The following CHST11 variants were observed in gnomAD, a reference collection of about 807,000 sequenced individuals.
The protein encoded by CHST11 is carbohydrate sulfotransferase 11, also known as C4S-1.
Under a neutral mutation model 30.4 loss-of-function variants are expected in CHST11, and 9 were observed. The observed-to-expected ratio is 0.30, with a 90% CI of 0.18 to 0.52. The LOEUF (loss-of-function observed/expected upper bound fraction) is 0.52. Ranked by LOEUF, CHST11 falls within the 20% of genes least tolerant of loss-of-function variation. CHST11 has a pLI of 0.97. For synonymous variants in CHST11, 152 were observed against 187.8 expected, an observed-to-expected ratio of 0.81 and a Z score of 1.56; for missense variants, 348 against 460.6, an observed-to-expected ratio of 0.76 and a Z score of 2.24.
chr12:104,697,703 A>G lies in CHST11; in HGVS notation c.205-59246A>G, dbSNP rs544907523. ...AAGTGGCCTCTCCATTGAAAAAAAT[A>G]AGAAAATTTAAAACAAGGAGCTTGC... On this transcript the variant is annotated intron_variant, in intron 2 of 2. Coordinates refer to ENST00000303694, the MANE Select transcript of CHST11 (RefSeq NM_018413.6). Among the ~76,000 whole-genome samples the G allele has an allele frequency of 2.6e-5, 4 of 152,324 alleles. No individual in the cohort carries two copies. In the South Asian group the frequency reaches 6.2e-4, roughly 24 times the overall value.
chr12:104,720,261 C>A lies in CHST11; in HGVS notation c.205-36688C>A, dbSNP rs563499006. ...TTTTACCTGCAGAGTCTAATTTTAT[C>A]CTCAATCTTATGCAGTGGGTACCAG... On this transcript the variant is annotated intron_variant, in intron 2 of 2. Coordinates refer to ENST00000303694, the MANE Select transcript of CHST11 (RefSeq NM_018413.6). 3.3e-5 allele frequency among the ~76,000 whole-genome samples: 5 copies of A among 152,356 alleles called. No homozygotes were observed. In the South Asian group the frequency reaches 1.0e-3, roughly 32 times the overall value.
chr12:104,704,781 C>T (rs1024528842), intron 2 of CHST11, among the ~76,000 whole-genome samples: 2 of 152,072 alleles, frequency 1.3e-5, no homozygotes, highest in African/African-American at 2.4e-5. Flanking sequence ...AGATGCCTGG[C>T]TCATTTGTTC....
chr12:104,543,832 T>C (rs2038308265), intron 1 of CHST11, among the ~76,000 whole-genome samples: 1 of 152,114 alleles, frequency 6.6e-6, no homozygotes, highest in African/African-American at 2.4e-5. Context: ...GGGGCACTGC[T>C]AAAGATGTAT....
chr12:104,724,258 C>T (rs1428605677), intron 2 of CHST11, among the ~76,000 whole-genome samples: 1 of 151,414 alleles, frequency 6.6e-6, no homozygotes, highest in South Asian at 2.1e-4. Flanking sequence ...TGACGGCACC[C>T]GGAGTAGTCA....
intron 2 of CHST11, among the ~76,000 whole-genome samples, chr12:104,750,275 A>T (rs1403385821): frequency 6.6e-6 from 1 of 151,458 alleles, no homozygotes; most frequent in East Asian, 1.9e-4. Flanking sequence ...TCTACTCCAA[A>T]CACCCTGACC....
intron 2 of CHST11, among the ~76,000 whole-genome samples, chr12:104,673,996 C>T (rs1402065262): frequency 6.6e-6 from 1 of 152,230 alleles, no homozygotes; most frequent in African/African-American, 2.4e-5. Context: ...GCTGTCAGCT[C>T]TCCCGGCCTC....
At chr12:104,660,906 T>C (rs187592107) in intron 2 of CHST11, among the ~76,000 whole-genome samples, 53 of 152,218 alleles carry the variant, frequency 3.5e-4, no homozygotes, top group Admixed American at 1.6e-3. Flanking sequence ...ACTACTTACA[T>C]TTGGGGTTTC....
At chr12:104,627,380 A>G (rs1592802590) in intron 2 of CHST11, among the ~76,000 whole-genome samples, 1 of 152,166 alleles carries the variant, frequency 6.6e-6, no homozygotes, top group Admixed American at 6.5e-5. Flanking sequence ...GCTGGATCCT[A>G]TGGTAGGAGT....
At chr12:104,604,754 G>A (rs1297131800) in intron 2 of CHST11, among the ~76,000 whole-genome samples, 1 of 152,102 alleles carries the variant, frequency 6.6e-6, no homozygotes, top group Non-Finnish European at 1.5e-5. Flanking sequence ...TGGTGTTTCC[G>A]TTTTTTGTAC....
chr12:104,662,724 G>A (rs1282155258), intron 2 of CHST11, among the ~76,000 whole-genome samples: 1 of 152,146 alleles, frequency 6.6e-6, no homozygotes, highest in African/African-American at 2.4e-5. Context: ...CTGCTGATAT[G>A]GAATGTTTAT....
At chr12:104,580,922 G>C (rs1392093125) in intron 1 of CHST11, among the ~76,000 whole-genome samples, 1 of 152,178 alleles carries the variant, frequency 6.6e-6, no homozygotes, top group Admixed American at 6.5e-5. Context: ...AATTGTCTCA[G>C]AACTTTCAGT....
At chr12:104,554,924 G>T (rs2038440770) in intron 1 of CHST11, among the ~76,000 whole-genome samples, 1 of 152,174 alleles carries the variant, frequency 6.6e-6, no homozygotes, top group Non-Finnish European at 1.5e-5. Context: ...GGGACTTGAG[G>T]CTGTACCGGG....
At chr12:104,561,559 A>G (rs1456337661) in intron 1 of CHST11, among the ~76,000 whole-genome samples, 1 of 152,196 alleles carries the variant, frequency 6.6e-6, no homozygotes, top group East Asian at 1.9e-4. Flanking sequence ...GCCACAGCAA[A>G]ATAAAAGATA....
At chr12:104,709,071 C>T (rs1007103151) in intron 2 of CHST11, among the ~76,000 whole-genome samples, 9 of 152,216 alleles carry the variant, frequency 5.9e-5, no homozygotes, top group Admixed American at 3.3e-4. Context: ...CACCAAGACC[C>T]GGTTTCGGCT....
At chr12:104,606,506 G>A (rs997862209) in intron 2 of CHST11, among the ~76,000 whole-genome samples, 3 of 152,142 alleles carry the variant, frequency 2.0e-5, no homozygotes, top group African/African-American at 2.4e-5. Flanking sequence ...CAGTAACCCC[G>A]TTTTTTAGTT....
intron 1 of CHST11, among the ~76,000 whole-genome samples, chr12:104,509,006 C>T (rs888319870): frequency 1.3e-5 from 2 of 152,086 alleles, no homozygotes; most frequent in Non-Finnish European, 2.9e-5. Flanking sequence ...TAATCCTTCA[C>T]ACCCCTGCCA....
Position 104,592,315 on chromosome 12 carries a change from G to C in CHST11, c.119-9591G>C, listed in dbSNP as rs567384812. On this transcript the variant is annotated intron_variant, in intron 1 of 2. Transcript: ENST00000303694. ...TAAACTGGGTGGCTTATACACAACA[G>C]AAATTTATTCCTCACAGTTCTGGAG... Among the ~76,000 whole-genome samples, 4 of 152,284 alleles carry C rather than the reference G, an allele frequency of 2.6e-5. No homozygotes were observed. In the East Asian group the frequency reaches 7.7e-4, roughly 29 times the overall value.
intron 1 of CHST11, among the ~76,000 whole-genome samples, chr12:104,497,095 A>G (rs1433082938): frequency 1.3e-5 from 2 of 152,234 alleles, no homozygotes; most frequent in African/African-American, 4.8e-5. Flanking sequence ...AACAGGTGCT[A>G]TACCTCAAAG....
chr12:104,722,084 G>A (rs1225148782), intron 2 of CHST11, among the ~76,000 whole-genome samples: 4 of 151,754 alleles, frequency 2.6e-5, no homozygotes, highest in Non-Finnish European at 5.9e-5. Flanking sequence ...GACCTCCCAG[G>A]CTCAAACCAT....
Sources: allele counts gnomAD v4.1 joint callset (sites outside exome capture counted in the v4.1 genomes callset), GRCh38; gene constraint gnomAD v4.1.1; transcripts MANE v1.5; gene names NCBI Gene and HGNC (gene_info 2026-07-23, HGNC 2026-07-21).